MAP3K5: variants seen among roughly 807,000 people sequenced by gnomAD.
MAP3K5 encodes the protein ASK-1.
In MAP3K5, 56 loss-of-function variants were observed where a neutral mutation model predicts 158.7. The ratio of observed to expected loss-of-function variants is 0.35; its 90% CI spans 0.28 to 0.44. The LOEUF (loss-of-function observed/expected upper bound fraction) is 0.44. Ranked by LOEUF, MAP3K5 falls within the 20% of genes least tolerant of loss-of-function variation. MAP3K5 has a pLI of 1.00. For missense variants in MAP3K5, 1,294 were observed against 1,674.8 expected (o/e 0.77, Z 3.97); for synonymous variants, 579 against 601.7 (o/e 0.96, Z 0.55).
At chr6:136,743,090 AAAAAAG>A (rs920459313) in intron 1 of MAP3K5, among the ~76,000 whole-genome samples, 1 of 152,036 alleles carries the variant, frequency 6.6e-6, no homozygotes. Flanking sequence ...TGTCTCTAAA[AAAAAAG>A]AAAAAGAAAA....
intron 14 of MAP3K5, among the ~76,000 whole-genome samples, chr6:136,624,362 T>C (rs1025751784): frequency 3.9e-5 from 6 of 151,970 alleles, no homozygotes; most frequent in African/African-American, 1.5e-4. Flanking sequence ...TACACAAATA[T>C]CAACCACAAT....
chr6:136,723,082 T>C (rs890440311), intron 1 of MAP3K5, among the ~76,000 whole-genome samples: 1 of 151,328 alleles, frequency 6.6e-6, no homozygotes, highest in African/African-American at 2.4e-5. Flanking sequence ...AGAAAATTAT[T>C]ATAAATGTGA....
At chr6:136,616,397 C>T (rs531131956) in intron 15 of MAP3K5, among the ~76,000 whole-genome samples, 4 of 151,292 alleles carry the variant, frequency 2.6e-5, no homozygotes, top group African/African-American at 7.3e-5. Context: ...CTCTGCCTCC[C>T]GAGTTCAAGT....
In MAP3K5 at chr6:136,601,665, G is replaced by A. The variant is rs1192389563; in HGVS notation, c.2857+137C>T. 5.2e-5 allele frequency: 39 copies of A among 753,618 alleles called. No individual in the cohort carries two copies. In the South Asian group the frequency reaches 6.2e-4, roughly 12 times the overall value. The allele number at this position is 753,618 out of a possible 1,614,324, so 46.7% of individuals were successfully genotyped here. A position where few individuals can be genotyped will look rare whatever the true frequency, so the allele number is the denominator to read the frequency against. ...TCCCTGATACTGCAACCAAATGCCT[G>A]AGAACACTGTGCTAATATTTATACC... On this transcript the variant is annotated intron_variant, in intron 20 of 29. Coordinates refer to ENST00000359015, the MANE Select transcript of MAP3K5 (RefSeq NM_005923.4).
chr6:136,662,965 T>G (rs999270378), intron 8 of MAP3K5, among the ~76,000 whole-genome samples: 1 of 152,214 alleles, frequency 6.6e-6, no homozygotes, highest in Non-Finnish European at 1.5e-5. Flanking sequence ...ACACTGAGGA[T>G]TTTTTAATCA....
chr6:136,577,598 C>T (rs935193417), intron 25 of MAP3K5, among the ~76,000 whole-genome samples: 5 of 152,218 alleles, frequency 3.3e-5, no homozygotes, highest in Non-Finnish European at 7.3e-5. Flanking sequence ...CTGGGACACT[C>T]GTGCAAGGAC....
intron 18 of MAP3K5, among the ~76,000 whole-genome samples, chr6:136,610,220 T>A (rs1300539196): frequency 6.6e-6 from 1 of 151,896 alleles, no homozygotes; most frequent in African/African-American, 2.4e-5. Context: ...TGATAAGAAC[T>A]AAATGGAGAT....
At chr6:136,747,384 G>C (rs1783007352) in intron 1 of MAP3K5, among the ~76,000 whole-genome samples, 1 of 152,182 alleles carries the variant, frequency 6.6e-6, no homozygotes, top group Non-Finnish European at 1.5e-5. Context: ...GTTAGTACGG[G>C]TGCTGTCTAG....
At chr6:136,654,184 G>A (rs888350302) in intron 10 of MAP3K5, among the ~76,000 whole-genome samples, 7 of 152,144 alleles carry the variant, frequency 4.6e-5, no homozygotes, top group Admixed American at 1.3e-4. Flanking sequence ...ATAAAGTTGA[G>A]GTCCTCAGGA....
intron 1 of MAP3K5, among the ~76,000 whole-genome samples, chr6:136,732,135 G>A (rs1301625779): frequency 1.3e-5 from 2 of 152,124 alleles, no homozygotes; most frequent in Non-Finnish European, 2.9e-5. Context: ...AGGTAAGAAG[G>A]AGAGAAGTAC....
intron 11 of MAP3K5, among the ~76,000 whole-genome samples, chr6:136,650,479 C>T (rs997546737): frequency 3.9e-5 from 6 of 152,192 alleles, no homozygotes; most frequent in Non-Finnish European, 8.8e-5. Flanking sequence ...AATAGGTGGT[C>T]GCACAGCCCA....
intron 24 of MAP3K5, among the ~76,000 whole-genome samples, chr6:136,582,289 T>C (rs1446421169): frequency 6.6e-6 from 1 of 151,676 alleles, no homozygotes; most frequent in East Asian, 1.9e-4. Flanking sequence ...TGTGTGTGTG[T>C]GTGTGTGTGT....
chr6:136,557,470 A>C lies in MAP3K5; in HGVS notation c.*288T>G, dbSNP rs971831887. ...TGAAGTGCAATAGCTGCTGCATTAAAAATATTTCCATAAAAATGCTTAGAT... is the reference window on the plus strand; with the variant it reads ...TGAAGTGCAATAGCTGCTGCATTAACAATATTTCCATAAAAATGCTTAGAT... On this transcript the variant is annotated 3_prime_UTR_variant, in exon 30 of 30. Transcript: ENST00000359015. 3.5e-6 allele frequency: 1 copy of C among 288,416 alleles called. No homozygotes were observed. The highest frequency in any genetic ancestry group is 2.2e-5 in the African/African-American group (1 of 45,146). The allele number at this position is 288,416 out of a possible 1,614,324, so 17.9% of individuals were successfully genotyped here.
intron 23 of MAP3K5, among the ~76,000 whole-genome samples, 190 bp from the exon 24 acceptor site, chr6:136,583,930 T>C (rs1220482246): frequency 6.6e-6 from 1 of 152,118 alleles, no homozygotes; most frequent in Admixed American, 6.6e-5. Flanking sequence ...CCCAAAGTGC[T>C]GGGATTCCAG....
chr6:136,642,123 G>A (rs1778006823), intron 12 of MAP3K5, among the ~76,000 whole-genome samples: 1 of 150,504 alleles, frequency 6.6e-6, no homozygotes, highest in African/African-American at 2.4e-5. Flanking sequence ...GTAGTAGACG[G>A]CATGTGTGCT....
chr6:136,790,002 C>A (rs1785007431), intron 1 of MAP3K5, among the ~76,000 whole-genome samples: 2 of 152,134 alleles, frequency 1.3e-5, no homozygotes, highest in African/African-American at 4.8e-5. Context: ...CAAGCACAAC[C>A]TTTTAGGGTC....
At chr6:136,789,122 C>A (rs1253118321) in intron 1 of MAP3K5, among the ~76,000 whole-genome samples, 1 of 151,988 alleles carries the variant, frequency 6.6e-6, no homozygotes, top group East Asian at 1.9e-4. Flanking sequence ...ATAGCAAGAC[C>A]CCGTCTCTAC....
At chr6:136,601,110 A>G in intron 20 of MAP3K5, 68 bp from the exon 21 acceptor site, 1 of 1,500,170 alleles carries the variant, frequency 6.7e-7, no homozygotes, top group Non-Finnish European at 9.3e-7. Flanking sequence ...TGAGAAATCA[A>G]CAAAAAATGA....
At chr6:136,714,394 C>T (rs1173884928) in intron 2 of MAP3K5, among the ~76,000 whole-genome samples, 1 of 152,134 alleles carries the variant, frequency 6.6e-6, no homozygotes, top group African/African-American at 2.4e-5. Flanking sequence ...GCCAGAAAGA[C>T]AAGACTCCGT....
Sources: gnomAD v4.1 joint callset for allele counts (sites outside exome capture counted in the v4.1 genomes callset) on GRCh38, gnomAD v4.1.1 for gene constraint, MANE v1.5 for transcripts, NCBI Gene and HGNC (gene_info 2026-07-23, HGNC 2026-07-21) for gene names.